CLPTM1L: variants seen among roughly 807,000 people sequenced by gnomAD.
The protein encoded by CLPTM1L is lipid scramblase CLPTM1L.
In CLPTM1L, 38 loss-of-function variants were observed where a neutral mutation model predicts 70.9. That is an observed-to-expected ratio of 0.54 (90% CI 0.41 to 0.70). CLPTM1L has a LOEUF of 0.70. Among genes scored for constraint, CLPTM1L ranks in the 30% least tolerant of loss-of-function variants. The pLI is 0.00. For missense variants in CLPTM1L, 652 were observed against 705.9 expected, an observed-to-expected ratio of 0.92 and a Z score of 0.87; for synonymous variants, 339 against 299.9, an observed-to-expected ratio of 1.13 and a Z score of -1.35.
At chr5:1,324,203 T>G (rs1752364393) in intron 11 of CLPTM1L, among the ~76,000 whole-genome samples, 1 of 152,272 alleles carries the variant, frequency 6.6e-6, no homozygotes, top group Non-Finnish European at 1.5e-5. Flanking sequence ...CTAAGTAATG[T>G]AGTTACATCG....
Position 1,320,614 on chromosome 5 carries a change from AC to A in CLPTM1L, c.1532+1del. On this transcript the variant is annotated splice_donor_variant, in intron 16 of 16. Coordinates refer to ENST00000320895, the MANE Select transcript of CLPTM1L (RefSeq NM_030782.5). LOFTEE classifies it high-confidence loss of function. The stretch of plus-strand genomic sequence containing the variant: ...CGGCCGAGCATACGCAGCCGCACTC[AC>A]CACCGCTGGTACAGGTAGACCAGAA... 6.6e-7 allele frequency: 1 copy of A among 1,520,482 alleles called. No homozygotes were observed. Among genetic ancestry groups the A allele is most frequent in the Non-Finnish European group, 8.9e-7 (1 of 1,126,208 alleles). 94.2% of individuals were successfully genotyped at this position (1,520,482 alleles called of 1,614,324 possible).
At chr5:1,327,682 T>G (rs1289084106) in intron 9 of CLPTM1L, among the ~76,000 whole-genome samples, 4 of 148,382 alleles carry the variant, frequency 2.7e-5, no homozygotes, top group African/African-American at 1.0e-4. Flanking sequence ...GCTCCTCCTC[T>G]ACAGACACAT....
intron 8 of CLPTM1L, chr5:1,330,716 T>G (rs1753033645): frequency 6.3e-6 from 2 of 319,706 alleles, no homozygotes. Context: ...ATGCCAGTTC[T>G]GTGATAAGTG....
intron 11 of CLPTM1L, among the ~76,000 whole-genome samples, 164 bp downstream of exon 11, chr5:1,324,599 T>G (rs1239655870): frequency 6.6e-6 from 1 of 152,174 alleles, no homozygotes; most frequent in Non-Finnish European, 1.5e-5. Flanking sequence ...CCCTTCCCAG[T>G]AAGAAATTTG....
In CLPTM1L at chr5:1,324,657, C is replaced by T. The variant is rs796288311; in HGVS notation, c.1197+106G>A. ...GATCCCTGCTCAAGGCGGGCTGACCCGTACTCCAAGGAGACTTCCGCACTG... is the reference window on the plus strand; with the variant it reads ...GATCCCTGCTCAAGGCGGGCTGACCTGTACTCCAAGGAGACTTCCGCACTG... On this transcript the variant is annotated intron_variant, in intron 11 of 16. Transcript: ENST00000320895. 9.4e-5 allele frequency: 107 copies of T among 1,134,064 alleles called. No individual in the cohort carries two copies. In the South Asian group the frequency reaches 1.0e-3, roughly 11 times the overall value. The allele number at this position is 1,134,064 out of a possible 1,614,324, so 70.3% of individuals were successfully genotyped here.
chr5:1,340,748 T>C (rs1462130147), intron 3 of CLPTM1L, among the ~76,000 whole-genome samples: 1 of 152,190 alleles, frequency 6.6e-6, no homozygotes, highest in Non-Finnish European at 1.5e-5. Flanking sequence ...CTGGAACAAT[T>C]TCACAGCCTC....
At chr5:1,343,668 C>T (rs941769915) in intron 2 of CLPTM1L, among the ~76,000 whole-genome samples, 33 of 152,286 alleles carry the variant, frequency 2.2e-4, no homozygotes, top group Middle Eastern at 3.4e-3. Context: ...AGGCAGAAAC[C>T]GGCTTGCCAG....
At position 1,318,020 on chromosome 5, in the gene CLPTM1L, A is replaced by T. The variant is rs1353325443; in HGVS notation, c.*349T>A. ...GAAATTCACATAAGGAGCACTTAGA[A>T]AACCACCTGAAATGGAAATCCAACA... On this transcript the variant is annotated 3_prime_UTR_variant, in exon 17 of 17. Coordinates refer to ENST00000320895, the MANE Select transcript of CLPTM1L (RefSeq NM_030782.5). The surrounding 1 kb of genome is among the most constrained non-coding windows in gnomAD (Gnocchi z 8.9). 7.0e-6 allele frequency: 2 copies of T among 286,106 alleles called. No individual in the cohort carries two copies. Among genetic ancestry groups the T allele is most frequent in the African/African-American group, 4.3e-5 (2 of 46,084 alleles). 17.7% of individuals were successfully genotyped at this position (286,106 alleles called of 1,614,324 possible). A position where few individuals can be genotyped will look rare whatever the true frequency, so the allele number is the denominator to read the frequency against.
At chr5:1,337,567 G>A (rs1210155507) in intron 5 of CLPTM1L, among the ~76,000 whole-genome samples, 1 of 152,248 alleles carries the variant, frequency 6.6e-6, no homozygotes, top group Non-Finnish European at 1.5e-5. Flanking sequence ...CACACCAGGA[G>A]CTCACACGCA....
intron 11 of CLPTM1L, 115 bp downstream of exon 11, chr5:1,324,648 G>A (rs1579622748): frequency 9.7e-6 from 10 of 1,034,552 alleles, no homozygotes; most frequent in East Asian, 7.3e-5. Context: ...TGCTCAAGGC[G>A]GGCTGACCCG....
At chr5:1,333,497 G>T (rs200653181) in intron 7 of CLPTM1L, among the ~76,000 whole-genome samples, 906 of 130,238 alleles carry the variant, frequency 7.0e-3, no homozygotes, top group East Asian at 0.033. Context: ...ACCAGATGAG[G>T]ATAAGGGGGG....
At position 1,318,745 on chromosome 5, in the gene CLPTM1L, T is replaced by G. The variant is rs972766403; in HGVS notation, c.1533-292A>C. 6.6e-6 allele frequency among the ~76,000 whole-genome samples: 1 copy of G among 152,120 alleles called. No individual in the cohort carries two copies. The highest frequency in any genetic ancestry group is 1.5e-5 in the Non-Finnish European group (1 of 68,018). ...ATGGCTGAAGGGGGGACCCGGAGGC[T>G]GCACGGGCTGCCTTCTGGGAACGGT... On this transcript the variant is annotated intron_variant, in intron 16 of 16. Transcript: ENST00000320895. This position sits in a 1 kb window ranked among gnomAD's most constrained non-coding sequence, Gnocchi z 8.9.
At chr5:1,343,364 G>A (rs566179646) in intron 2 of CLPTM1L, among the ~76,000 whole-genome samples, 1 of 152,176 alleles carries the variant, frequency 6.6e-6, no homozygotes, top group Non-Finnish European at 1.5e-5. Context: ...AGACACTTGA[G>A]GCGGAGCTGT....
intron 8 of CLPTM1L, chr5:1,331,596 G>A (rs970794252): frequency 3.4e-6 from 2 of 589,514 alleles, no homozygotes; most frequent in Non-Finnish European, 6.0e-6. Context: ...GCCCTGAGCC[G>A]TGCAGCCTCT....
chr5:1,329,468 GGGCCTC>G (rs1561238530), intron 9 of CLPTM1L, among the ~76,000 whole-genome samples: 19 of 150,028 alleles, frequency 1.3e-4, no homozygotes, highest in African/African-American at 4.5e-4. Flanking sequence ...TTGGTGGACA[GGGCCTC>G]AGGACTCTCT....
At position 1,324,802 on chromosome 5, in the gene CLPTM1L, G is replaced by GT; in HGVS notation, c.1157dup (p.Tyr386Ter). 1.2e-6 allele frequency: 2 copies of GT among 1,614,054 alleles called. No individual in the cohort carries two copies. The highest frequency in any genetic ancestry group is 1.7e-6 in the Non-Finnish European group (2 of 1,179,902). ...CCTCGGTTTTCCTCTCAGATTCGCT[G>GT]TAAGTGCCAAACTGTTGTGAAATTC... ...GLMPEFQFGT[Y>*]SESERKTEEY... Residue 386 changes from tyrosine to a stop codon, truncating the protein, a stop_gained and frameshift_variant, in exon 11 of 17, where the codon TAC (tyrosine) becomes TAAC (stop). Coordinates refer to ENST00000320895, the MANE Select transcript of CLPTM1L (RefSeq NM_030782.5). LOFTEE classifies it high-confidence loss of function.
intron 5 of CLPTM1L, among the ~76,000 whole-genome samples, chr5:1,336,759 C>G (rs1290389607): frequency 6.6e-6 from 1 of 152,182 alleles, no homozygotes; most frequent in East Asian, 1.9e-4. Flanking sequence ...CAGCCCCCAG[C>G]CTGCAGGTTG....
intron 2 of CLPTM1L, among the ~76,000 whole-genome samples, chr5:1,343,319 C>A (rs1260662947): frequency 6.6e-6 from 1 of 152,142 alleles, no homozygotes; most frequent in East Asian, 1.9e-4. Flanking sequence ...GCAGAGGGTG[C>A]AGGGCTGTGT....
At chr5:1,344,320 C>T in intron 2 of CLPTM1L, 31 bp downstream of exon 2, 1 of 1,417,752 alleles carries the variant, frequency 7.1e-7, no homozygotes, top group Non-Finnish European at 1.0e-6. Flanking sequence ...AATGTTTTCC[C>T]TTTCACTGGC....
Sources: allele counts gnomAD v4.1 joint callset (sites outside exome capture counted in the v4.1 genomes callset), GRCh38; gene constraint gnomAD v4.1.1; non-coding constraint Gnocchi (gnomAD v3.1); transcripts MANE v1.5; gene names NCBI Gene and HGNC (gene_info 2026-07-23, HGNC 2026-07-21).